The following DIP2C variants were observed in gnomAD, a reference collection of about 807,000 sequenced individuals.
DIP2C encodes DIP2 acetate--CoA ligase C (putative).
A neutral mutation model predicts 192.4 loss-of-function variants in DIP2C; 33 were observed. The observed-to-expected ratio is 0.17, with a 90% CI of 0.13 to 0.23. The LOEUF (loss-of-function observed/expected upper bound fraction) is 0.23, where lower values mean the gene tolerates loss of function less well. Among genes scored for constraint, DIP2C ranks in the 10% least tolerant of loss-of-function variants. The probability of loss-of-function intolerance (pLI) is 1.00; values close to 1 mark genes in which losing one functional copy is unlikely to be tolerated. For missense variants in DIP2C, 1,537 were observed against 2,110.1 expected (o/e 0.73, Z 5.32); for synonymous variants, 979 against 864.1 (o/e 1.13, Z -2.33).
intron 1 of DIP2C, among the ~76,000 whole-genome samples, chr10:593,763 T>G (rs1343533674): frequency 6.6e-6 from 1 of 152,138 alleles, no homozygotes; most frequent in Non-Finnish European, 1.5e-5. Context: ...TAGGGCCTCC[T>G]TTACCATCCA....
At chr10:337,112 T>TTC (rs1957840614) in intron 29 of DIP2C, among the ~76,000 whole-genome samples, 1 of 91,834 alleles carries the variant, frequency 1.1e-5, no homozygotes. Context: ...CGTGTGTGTG[T>TTC]TGTGGAGGCC....
chr10:547,714 T>G (rs778229234), intron 1 of DIP2C, among the ~76,000 whole-genome samples: 5 of 152,204 alleles, frequency 3.3e-5, no homozygotes, highest in Non-Finnish European at 7.3e-5. Context: ...GACCACGTGC[T>G]TTTCCCACAG....
intron 1 of DIP2C, among the ~76,000 whole-genome samples, chr10:522,558 G>A (rs140543495): frequency 2.6e-5 from 4 of 152,354 alleles, no homozygotes; most frequent in East Asian, 3.9e-4. Context: ...CCACCAGCAC[G>A]CGGCGGTGTC....
intron 3 of DIP2C, among the ~76,000 whole-genome samples, chr10:466,007 A>G (rs1262362828): frequency 1.3e-5 from 2 of 152,062 alleles, no homozygotes; most frequent in Non-Finnish European, 2.9e-5. Flanking sequence ...CAAGCTACCA[A>G]TGACTTTCTT....
intron 1 of DIP2C, among the ~76,000 whole-genome samples, chr10:583,537 T>C (rs1850795444): frequency 6.6e-6 from 1 of 152,182 alleles, no homozygotes; most frequent in African/African-American, 2.4e-5. Context: ...GAGGGGCGGC[T>C]CAGAGGCTGA....
chr10:511,792 C>A (rs1233197928), intron 1 of DIP2C, among the ~76,000 whole-genome samples: 1 of 152,218 alleles, frequency 6.6e-6, no homozygotes, highest in African/African-American at 2.4e-5. Flanking sequence ...GCTTAAAAAT[C>A]CTGAAATGCA....
chr10:370,653 G>T (rs954949452), intron 17 of DIP2C, among the ~76,000 whole-genome samples: 2 of 152,204 alleles, frequency 1.3e-5, no homozygotes, highest in Admixed American at 1.3e-4. Flanking sequence ...TAAGATCACG[G>T]ATTACATTCC....
At chr10:486,608 C>A in intron 1 of DIP2C, 78 bp from the exon 2 acceptor site, 1 of 1,189,624 alleles carries the variant, frequency 8.4e-7, no homozygotes. Flanking sequence ...CAAGAAGACA[C>A]AGTTATCACA....
chr10:556,807 T>TGC (rs1848900725), intron 1 of DIP2C, among the ~76,000 whole-genome samples: 1 of 152,186 alleles, frequency 6.6e-6, no homozygotes, highest in Admixed American at 6.5e-5. Flanking sequence ...AACAAGTGTG[T>TGC]GCCTTGAGTC....
chr10:550,754 A>T lies in DIP2C; in HGVS notation c.86-64224T>A, dbSNP rs146557979. Among the ~76,000 whole-genome samples the T allele has an allele frequency of 3.5e-3, 527 of 152,318 alleles. 12 individuals carry two copies. Among genetic ancestry groups the T allele is most frequent in the Admixed American group, 0.031 (471 of 15,310 alleles). ...TTTTGTGAAACTCCTCTTAATATTC[A>T]GAATAATTGCCAGAGTTGCAATAAA... On this transcript the variant is annotated intron_variant, in intron 1 of 36. Transcript: ENST00000280886.
intron 1 of DIP2C, among the ~76,000 whole-genome samples, chr10:581,418 A>C (rs956513367): frequency 4.6e-5 from 7 of 152,226 alleles, no homozygotes; most frequent in Non-Finnish European, 8.8e-5. Context: ...TTTACTTAAC[A>C]TGTTAAGCTG....
rs552261416 is a variant in DIP2C, at chr10:363,108, G to A, written c.2592+89C>T. ...GAAAAAGGGCCACCCCATGGGCAAA[G>A]CAACAGCTGGTCACACCATGATCTG... On this transcript the variant is annotated intron_variant, in intron 21 of 36. Transcript: ENST00000280886. The surrounding 1 kb of genome is among the most constrained non-coding windows in gnomAD (Gnocchi z 5.4). 8.2e-6 allele frequency: 10 copies of A among 1,213,724 alleles called. No individual in the cohort carries two copies. In the East Asian group the frequency reaches 1.8e-4, roughly 21 times the overall value. The allele number at this position is 1,213,724 out of a possible 1,614,324, so 75.2% of individuals were successfully genotyped here. A position where few individuals can be genotyped will look rare whatever the true frequency, so the allele number is the denominator to read the frequency against.
Position 357,951 on chromosome 10 carries a change from G to A in DIP2C, c.2795-14C>T. On this transcript the variant is annotated splice_polypyrimidine_tract_variant and intron_variant, in intron 22 of 36. Coordinates refer to ENST00000280886, the MANE Select transcript of DIP2C (RefSeq NM_014974.3). The stretch of plus-strand genomic sequence containing the variant: ...CAGGGCCGATTTCTAGAAAGAAACA[G>A]AGACATGGCCATGAGGAAACAAAAG... The A allele has an allele frequency of 6.3e-7, 1 of 1,591,598 alleles. No individual in the cohort carries two copies. The highest frequency in any genetic ancestry group is 8.6e-7 in the Non-Finnish European group (1 of 1,160,940).
chr10:643,675 C>A (rs1855315469), intron 1 of DIP2C, among the ~76,000 whole-genome samples: 1 of 152,244 alleles, frequency 6.6e-6, no homozygotes, highest in South Asian at 2.1e-4. Flanking sequence ...GATTCCCTAA[C>A]CCTCGTTATG....
At chr10:284,359 G>A (rs983074432) in intron 34 of DIP2C, among the ~76,000 whole-genome samples, 4 of 152,158 alleles carry the variant, frequency 2.6e-5, no homozygotes, top group Non-Finnish European at 4.4e-5. Flanking sequence ...AATGACAGCC[G>A]TCCTCTGTTC....
At chr10:635,085 G>C (rs1169305610) in intron 1 of DIP2C, among the ~76,000 whole-genome samples, 1 of 152,220 alleles carries the variant, frequency 6.6e-6, no homozygotes, top group Non-Finnish European at 1.5e-5. Context: ...CACAAGAACA[G>C]AGAGAGGATT....
At chr10:661,966 G>A in intron 1 of DIP2C, 1 of 704,616 alleles carries the variant, frequency 1.4e-6, no homozygotes, top group Non-Finnish European at 2.6e-6. Flanking sequence ...CCCAGGCACT[G>A]AATCGCTCAG....
At chr10:609,517 C>T (rs1259361943) in intron 1 of DIP2C, among the ~76,000 whole-genome samples, 1 of 152,198 alleles carries the variant, frequency 6.6e-6, no homozygotes, top group African/African-American at 2.4e-5. Flanking sequence ...CTCAAACCCA[C>T]TTAAGATTTC....
Position 482,482 on chromosome 10 carries a change from C to T in DIP2C, c.157+3977G>A, listed in dbSNP as rs1353608890. Among the ~76,000 whole-genome samples, 3 of 152,174 alleles carry T rather than the reference C, an allele frequency of 2.0e-5. No homozygotes were observed. In the East Asian group the frequency reaches 5.8e-4, roughly 29 times the overall value. The stretch of plus-strand genomic sequence containing the variant: ...GTGACCTCATGGAGAGAGGCTGTGC[C>T]GCACAGACAAACCCCCTTACAGAGT... On this transcript the variant is annotated intron_variant, in intron 2 of 36. Transcript: ENST00000280886.
Sources: allele counts gnomAD v4.1 joint callset (sites outside exome capture counted in the v4.1 genomes callset), GRCh38; gene constraint gnomAD v4.1.1; non-coding constraint Gnocchi (gnomAD v3.1); transcripts MANE v1.5; gene names NCBI Gene and HGNC (gene_info 2026-07-23, HGNC 2026-07-21).